The following LRRC4C variants were observed in gnomAD, a reference collection of about 807,000 sequenced individuals.
The protein encoded by LRRC4C is leucine-rich repeat-containing protein 4C.
Under a neutral mutation model 33.6 loss-of-function variants are expected in LRRC4C, and 5 were observed. That is an observed-to-expected ratio of 0.15 (90% CI 0.08 to 0.31). The LOEUF (loss-of-function observed/expected upper bound fraction) is 0.31, where lower values mean the gene tolerates loss of function less well. Among genes scored for constraint, LRRC4C ranks in the 10% least tolerant of loss-of-function variants. The probability of loss-of-function intolerance (pLI) is 1.00; values close to 1 mark genes in which losing one functional copy is unlikely to be tolerated. For synonymous variants in LRRC4C, 329 were observed against 302.0 expected, an observed-to-expected ratio of 1.09 and a Z score of -0.93; for missense variants, 560 against 796.7, an observed-to-expected ratio of 0.70 and a Z score of 3.58.
chr11:40,379,129 C>A lies in LRRC4C; in HGVS notation c.-269-59408G>T, dbSNP rs1948767250. On this transcript the variant is annotated intron_variant, in intron 3 of 6. Transcript: ENST00000528697. ...GATAAAGTTATAAAGAGCAGAGTAA[C>A]TTAAAGATGTTTGGAGGTGTATATG... Among the ~76,000 whole-genome samples the A allele has an allele frequency of 2.0e-5, 3 of 152,062 alleles. No homozygotes were observed. The South Asian group carries it at 6.2e-4, about 32-fold the overall frequency.
chr11:41,005,068 G>A (rs1032000176), intron 1 of LRRC4C, among the ~76,000 whole-genome samples: 2 of 152,096 alleles, frequency 1.3e-5, no homozygotes, highest in African/African-American at 4.8e-5. Context: ...TAAAATGAGT[G>A]TTAGAAATCT....
At position 40,966,047 on chromosome 11, in the gene LRRC4C, A is replaced by G. The variant is rs895684391; in HGVS notation, c.-495-32324T>C. On this transcript the variant is annotated intron_variant, in intron 1 of 6. Coordinates refer to ENST00000528697, the MANE Select transcript of LRRC4C (RefSeq NM_001258419.2). ...GTTTGTATCCTCTTTTATTTAATTG[A>G]GCAGTGGTTTGTAGTTCTCCTTGAA... 7.6e-4 allele frequency among the ~76,000 whole-genome samples: 116 copies of G among 152,050 alleles called. 1 individual carries two copies. Among genetic ancestry groups the G allele is most frequent in the African/African-American group, 2.7e-3 (113 of 41,512 alleles).
At chr11:40,465,434 T>G (rs1379484270) in intron 3 of LRRC4C, among the ~76,000 whole-genome samples, 1 of 151,658 alleles carries the variant, frequency 6.6e-6, no homozygotes, top group Non-Finnish European at 1.5e-5. Flanking sequence ...TAAAAGCAAA[T>G]GCAACAAAAC....
At chr11:40,301,535 G>T (rs1318335314) in intron 4 of LRRC4C, among the ~76,000 whole-genome samples, 2 of 152,204 alleles carry the variant, frequency 1.3e-5, no homozygotes, top group African/African-American at 4.8e-5. Context: ...AATTCCTAAA[G>T]AATGTCACTT....
At chr11:40,957,954 T>C (rs990393659) in intron 1 of LRRC4C, among the ~76,000 whole-genome samples, 17 of 150,278 alleles carry the variant, frequency 1.1e-4, no homozygotes, top group African/African-American at 4.2e-4. Flanking sequence ...AAGGTGATAC[T>C]ATTAGGAGGT....
At chr11:40,638,164 T>G (rs537625692) in intron 3 of LRRC4C, among the ~76,000 whole-genome samples, 1 of 152,336 alleles carries the variant, frequency 6.6e-6, no homozygotes, top group East Asian at 1.9e-4. Flanking sequence ...CCATTCAACA[T>G]AACATATTTA....
chr11:40,890,775 C>T (rs1014975824), intron 2 of LRRC4C, among the ~76,000 whole-genome samples: 1 of 151,754 alleles, frequency 6.6e-6, no homozygotes, highest in African/African-American at 2.4e-5. Context: ...TATGTCATAA[C>T]ATACTTAATC....
rs1381282963 is a variant in LRRC4C at position 41,304,096 on chromosome 11, C to T, written c.-496+155335G>A. On this transcript the variant is annotated intron_variant, in intron 1 of 6. Coordinates refer to ENST00000528697, the MANE Select transcript of LRRC4C (RefSeq NM_001258419.2). ...GCCACCCCGTCCGGGAGGTGAGGGGCGCCTCTGCCCGGCCGCCCCTACTGG... is the reference window on the plus strand; with the variant it reads ...GCCACCCCGTCCGGGAGGTGAGGGGTGCCTCTGCCCGGCCGCCCCTACTGG... Among the ~76,000 whole-genome samples, 4 of 66,374 alleles carry T rather than the reference C, an allele frequency of 6.0e-5. 1 individual carries two copies. The highest frequency in any genetic ancestry group is 2.1e-4 in the Admixed American group (1 of 4,826). 43.5% of individuals were successfully genotyped at this position (66,374 alleles called of 152,430 possible).
At chr11:40,943,876 T>C (rs557163035) in intron 1 of LRRC4C, among the ~76,000 whole-genome samples, 1 of 152,268 alleles carries the variant, frequency 6.6e-6, no homozygotes, top group South Asian at 2.1e-4. Context: ...CCCTGACCCA[T>C]TTAGCTCTCC....
At chr11:40,584,656 G>C (rs1958628921) in intron 3 of LRRC4C, among the ~76,000 whole-genome samples, 1 of 152,118 alleles carries the variant, frequency 6.6e-6, no homozygotes, top group African/African-American at 2.4e-5. Flanking sequence ...AAGAGGCCTG[G>C]CGCAGTGGCT....
chr11:40,356,175 T>C (rs1947662701), intron 3 of LRRC4C, among the ~76,000 whole-genome samples: 2 of 152,124 alleles, frequency 1.3e-5, no homozygotes, highest in African/African-American at 4.8e-5. Context: ...TCTTTGCCAA[T>C]TTCAAAGGCG....
At chr11:41,442,646 T>C (rs1955672116) in intron 1 of LRRC4C, among the ~76,000 whole-genome samples, 1 of 151,832 alleles carries the variant, frequency 6.6e-6, no homozygotes, top group Non-Finnish European at 1.5e-5. Context: ...ATTTTTTGTA[T>C]TTTTAGTAGA....
chr11:40,795,985 G>C (rs890489414), intron 2 of LRRC4C, among the ~76,000 whole-genome samples: 5 of 152,140 alleles, frequency 3.3e-5, no homozygotes, highest in Non-Finnish European at 5.9e-5. Flanking sequence ...ATGATAATAC[G>C]TCTATATATT....
intron 1 of LRRC4C, among the ~76,000 whole-genome samples, chr11:41,334,855 A>G (rs1951401663): frequency 7.0e-6 from 1 of 143,510 alleles, no homozygotes; most frequent in African/African-American, 2.7e-5. Flanking sequence ...CATGTCTCCA[A>G]AGAACGAAAC....
At chr11:40,394,744 T>C (rs1048189732) in intron 3 of LRRC4C, among the ~76,000 whole-genome samples, 1 of 152,066 alleles carries the variant, frequency 6.6e-6, no homozygotes, top group African/African-American at 2.4e-5. Flanking sequence ...AGAGTAGAAG[T>C]GATAGAGAGA....
chr11:40,282,274 G>A (rs551863362), intron 4 of LRRC4C, among the ~76,000 whole-genome samples: 1 of 152,192 alleles, frequency 6.6e-6, no homozygotes, highest in African/African-American at 2.4e-5. Flanking sequence ...GAATCTGGGA[G>A]GTGGAGGTTG....
chr11:41,013,653 G>T (rs1294572605), intron 1 of LRRC4C, among the ~76,000 whole-genome samples: 1 of 152,154 alleles, frequency 6.6e-6, no homozygotes, highest in East Asian at 1.9e-4. Flanking sequence ...TAGAGGCTGA[G>T]AAGTCCAAGA....
At chr11:40,534,991 G>T (rs1956413671) in intron 3 of LRRC4C, among the ~76,000 whole-genome samples, 1 of 152,078 alleles carries the variant, frequency 6.6e-6, no homozygotes, top group Non-Finnish European at 1.5e-5. Context: ...ATGGTCCATG[G>T]AAAATGTTAT....
chr11:41,396,765 T>C (rs1296439080), intron 1 of LRRC4C, among the ~76,000 whole-genome samples: 1 of 151,964 alleles, frequency 6.6e-6, no homozygotes, highest in Non-Finnish European at 1.5e-5. Context: ...AGCAATATCA[T>C]TCAAGAAACA....
Sources: gnomAD v4.1 joint callset for allele counts (sites outside exome capture counted in the v4.1 genomes callset) on GRCh38, gnomAD v4.1.1 for gene constraint, MANE v1.5 for transcripts, NCBI Gene and HGNC (gene_info 2026-07-23, HGNC 2026-07-21) for gene names.